Variants in MSRB3 observed in about 807,000 individuals in gnomAD.
The protein encoded by MSRB3 is methionine sulfoxide reductase B3.
In MSRB3, 13 loss-of-function variants were observed where a neutral mutation model predicts 21.0. That is an observed-to-expected ratio of 0.62 (90% confidence interval 0.40 to 0.98). The LOEUF (loss-of-function observed/expected upper bound fraction) is 0.98, where lower values mean the gene tolerates loss of function less well. Ranked by LOEUF, MSRB3 falls within the 50% of genes least tolerant of loss-of-function variation. The probability of loss-of-function intolerance (pLI) is 0.00; values close to 1 mark genes in which losing one functional copy is unlikely to be tolerated. For synonymous variants in MSRB3, 87 were observed against 88.6 expected, an observed-to-expected ratio of 0.98 and a Z score of 0.10; for missense variants, 199 against 230.3, an observed-to-expected ratio of 0.86 and a Z score of 0.88.
chr12:65,402,560 T>C (rs941571429), intron 5 of MSRB3, among the ~76,000 whole-genome samples: 2 of 152,224 alleles, frequency 1.3e-5, no homozygotes, highest in Admixed American at 6.5e-5. Flanking sequence ...AGTTAGAACA[T>C]GCTTCTTTAG....
chr12:65,323,554 A>G (rs1028847518), intron 2 of MSRB3, among the ~76,000 whole-genome samples: 2 of 152,234 alleles, frequency 1.3e-5, no homozygotes, highest in Non-Finnish European at 2.9e-5. Flanking sequence ...TTTCCCAAAC[A>G]TACTTCTAAG....
intron 1 of MSRB3, chr12:65,286,317 A>G (rs1475828084): frequency 6.6e-6 from 1 of 152,234 alleles, no homozygotes; most frequent in Non-Finnish European, 1.5e-5. Context: ...TTGGAATGAC[A>G]GGGAAACACC....
chr12:65,383,498 C>A (rs963865322), intron 5 of MSRB3, among the ~76,000 whole-genome samples: 5 of 151,904 alleles, frequency 3.3e-5, no homozygotes, highest in African/African-American at 7.3e-5. Flanking sequence ...CCCAGTGTCA[C>A]TTTAATTATG....
chr12:65,392,072 T>A (rs1489575036), intron 5 of MSRB3, among the ~76,000 whole-genome samples: 1 of 152,160 alleles, frequency 6.6e-6, no homozygotes, highest in Non-Finnish European at 1.5e-5. Flanking sequence ...CCAGGTCAAA[T>A]TGCATTTAGA....
intron 5 of MSRB3, among the ~76,000 whole-genome samples, chr12:65,450,443 A>C (rs1040701666): frequency 6.6e-6 from 1 of 152,218 alleles, no homozygotes; most frequent in Middle Eastern, 3.2e-3. Context: ...TAATATCTAA[A>C]AAGTACAGTT....
intron 5 of MSRB3, among the ~76,000 whole-genome samples, chr12:65,440,485 G>A (rs1279080389): frequency 6.6e-6 from 1 of 151,766 alleles, no homozygotes; most frequent in Non-Finnish European, 1.5e-5. Context: ...TTAATTGTGT[G>A]AAACAGCCAT....
intron 5 of MSRB3, among the ~76,000 whole-genome samples, chr12:65,442,696 T>A (rs575756299): frequency 1.8e-4 from 27 of 152,080 alleles, no homozygotes; most frequent in Non-Finnish European, 3.8e-4. Context: ...AAAATAATCA[T>A]CTAAAGTTGA....
chr12:65,395,079 A>G (rs1248599039), intron 5 of MSRB3, among the ~76,000 whole-genome samples: 2 of 152,228 alleles, frequency 1.3e-5, no homozygotes, highest in Admixed American at 6.5e-5. Context: ...AGAAAAGAAC[A>G]GAAAATGGAA....
intron 4 of MSRB3, among the ~76,000 whole-genome samples, chr12:65,346,338 A>G (rs1402505713): frequency 6.6e-6 from 1 of 152,156 alleles, no homozygotes; most frequent in Admixed American, 6.5e-5. Flanking sequence ...ATGGCCAGTG[A>G]TGGTGAGCAT....
At chr12:65,449,053 G>T (rs955110580) in intron 5 of MSRB3, among the ~76,000 whole-genome samples, 3 of 152,088 alleles carry the variant, frequency 2.0e-5, no homozygotes, top group Admixed American at 6.5e-5. Flanking sequence ...TTTTGAGACG[G>T]AGTCTTGCTC....
At chr12:65,293,181 A>AT (rs777086112) in intron 1 of MSRB3, among the ~76,000 whole-genome samples, 25 of 151,952 alleles carry the variant, frequency 1.6e-4, no homozygotes, top group Admixed American at 1.6e-3. Flanking sequence ...GTCCTCTTAA[A>AT]TTTTTTTTAT....
chr12:65,435,827 G>A (rs570846399), intron 5 of MSRB3, among the ~76,000 whole-genome samples: 2 of 151,986 alleles, frequency 1.3e-5, no homozygotes, highest in Admixed American at 1.3e-4. Context: ...CCCAAGGTCT[G>A]TGAACCCTGA....
intron 4 of MSRB3, among the ~76,000 whole-genome samples, chr12:65,340,871 T>A (rs1229275098): frequency 2.7e-4 from 41 of 151,948 alleles, no homozygotes; most frequent in Admixed American, 2.7e-3. Flanking sequence ...ATATACAAAA[T>A]TTGACTCAGG....
chr12:65,422,420 A>ATT (rs1488284889), intron 5 of MSRB3, among the ~76,000 whole-genome samples: 20 of 76,054 alleles, frequency 2.6e-4, no homozygotes, highest in Admixed American at 4.0e-4. Context: ...ATATATATAT[A>ATT]TATATATATA....
At chr12:65,431,110 A>G (rs1881856407) in intron 5 of MSRB3, among the ~76,000 whole-genome samples, 2 of 151,966 alleles carry the variant, frequency 1.3e-5, no homozygotes, top group Non-Finnish European at 2.9e-5. Context: ...TTATTCCCCA[A>G]AGAATTTCTG....
At chr12:65,372,606 C>G (rs775335570) in intron 5 of MSRB3, among the ~76,000 whole-genome samples, 9 of 152,268 alleles carry the variant, frequency 5.9e-5, no homozygotes, top group Non-Finnish European at 1.0e-4. Flanking sequence ...TCAGAAGTAG[C>G]AAGAAGCTAT....
chr12:65,462,233 C>G (rs911911620), intron 6 of MSRB3, among the ~76,000 whole-genome samples: 2 of 152,124 alleles, frequency 1.3e-5, no homozygotes, highest in African/African-American at 4.8e-5. Context: ...TCTCGTTCGC[C>G]CCATCCCTGA....
intron 5 of MSRB3, chr12:65,419,624 T>C (rs1467086425): frequency 1.4e-5 from 10 of 710,180 alleles, no homozygotes; most frequent in South Asian, 1.1e-4. Context: ...AGGTCCTCGA[T>C]GGTCTTGAAA....
chr12:65,358,100 T>G (rs1877493678), intron 4 of MSRB3, among the ~76,000 whole-genome samples: 1 of 151,890 alleles, frequency 6.6e-6, no homozygotes, highest in South Asian at 2.1e-4. Context: ...TTTTTCTCTT[T>G]TATTTTTATT....
Sources: gnomAD v4.1 joint callset for allele counts (sites outside exome capture counted in the v4.1 genomes callset) on GRCh38, gnomAD v4.1.1 for gene constraint, MANE v1.5 for transcripts, NCBI Gene and HGNC (gene_info 2026-07-23, HGNC 2026-07-21) for gene names.